The following RAB2A variants were observed in gnomAD, a reference collection of about 807,000 sequenced individuals.
The protein encoded by RAB2A is ras-related protein Rab-2A.
Under a neutral mutation model 32.5 loss-of-function variants are expected in RAB2A, and 7 were observed. That is an observed-to-expected ratio of 0.22 (90% confidence interval 0.12 to 0.40). RAB2A has a LOEUF of 0.40. RAB2A is among the 10% of genes least tolerant of loss of function. The probability of loss-of-function intolerance (pLI) is 1.00; values close to 1 mark genes in which losing one functional copy is unlikely to be tolerated. For missense variants in RAB2A, 108 were observed against 260.7 expected (o/e 0.41, Z 4.03); for synonymous variants, 79 against 85.2 (o/e 0.93, Z 0.40).
At chr8:60,581,961 T>A (rs76307785) in intron 3 of RAB2A, among the ~76,000 whole-genome samples, 1 of 151,012 alleles carries the variant, frequency 6.6e-6, no homozygotes, top group Admixed American at 6.6e-5. Flanking sequence ...TTTTTTTTTT[T>A]AAAGACACAG....
At chr8:60,548,519 C>G (rs1338179606) in intron 1 of RAB2A, among the ~76,000 whole-genome samples, 1 of 75,264 alleles carries the variant, frequency 1.3e-5, no homozygotes. Flanking sequence ...GGGGGGCTGA[C>G]CCCCCCACCT....
At chr8:60,525,264 A>T (rs1807361285) in intron 1 of RAB2A, among the ~76,000 whole-genome samples, 1 of 152,004 alleles carries the variant, frequency 6.6e-6, no homozygotes, top group South Asian at 2.1e-4. Flanking sequence ...TGCTCATGAG[A>T]TCTGATGGTT....
rs180926020 is a variant in RAB2A, at chr8:60,572,027, C to A, written c.119-19C>A. ...TATTCCCACTAATTTTGTAACAAAT[C>A]ATTTCCTACTCTATTTAGGTGTAGA... On this transcript the variant is annotated intron_variant, in intron 2 of 7. Coordinates refer to ENST00000262646, the MANE Select transcript of RAB2A (RefSeq NM_002865.3). The A allele has an allele frequency of 6.3e-7, 1 of 1,575,512 alleles. No individual in the cohort carries two copies. Among genetic ancestry groups the A allele is most frequent in the South Asian group, 1.1e-5 (1 of 88,836 alleles).
intron 5 of RAB2A, among the ~76,000 whole-genome samples, chr8:60,588,485 A>G (rs1409184694): frequency 6.6e-6 from 1 of 152,220 alleles, no homozygotes; most frequent in Non-Finnish European, 1.5e-5. Context: ...ATTACAACAG[A>G]CTACAACTCA....
chr8:60,549,128 C>G (rs202124331), intron 1 of RAB2A, among the ~76,000 whole-genome samples: 21,773 of 148,666 alleles, frequency 0.15, 1,603 homozygotes, highest in East Asian at 0.26. Flanking sequence ...GGATGGCGGC[C>G]GGGCAGAGAC....
rs200781027 is a variant in RAB2A at position 60,531,778 on chromosome 8, A to AGTAGTCATCT, written c.46+14526_46+14535dup. ...TCTTCAGGGAAGAGAAGGGAAGGCC[A>AGTAGTCATCT]GTAGTCATCTTCTACCTTGATTTTT... On this transcript the variant is annotated intron_variant, in intron 1 of 7. Coordinates refer to ENST00000262646, the MANE Select transcript of RAB2A (RefSeq NM_002865.3). 6.5e-3 allele frequency among the ~76,000 whole-genome samples: 971 copies of AGTAGTCATCT among 150,542 alleles called. 9 individuals carry two copies. The highest frequency in any genetic ancestry group is 0.021 in the African/African-American group (880 of 40,966).
At chr8:60,538,030 C>G (rs1807583754) in intron 1 of RAB2A, among the ~76,000 whole-genome samples, 2 of 152,118 alleles carry the variant, frequency 1.3e-5, no homozygotes, top group African/African-American at 4.8e-5. Flanking sequence ...TAGCCGTTTT[C>G]CACTATTAAG....
In RAB2A at chr8:60,622,040, A is replaced by AT. The variant is rs1274032250; in HGVS notation, c.*1276dup. Reference sequence around the variant, plus strand: ...ATTATGACCACCTCTTTTTTAATGTATTTTTAGTCCACTTACAGCTTTTAC... The same window carrying AT: ...ATTATGACCACCTCTTTTTTAATGTATTTTTTAGTCCACTTACAGCTTTTAC... On this transcript the variant is annotated 3_prime_UTR_variant, in exon 8 of 8. Coordinates refer to ENST00000262646, the MANE Select transcript of RAB2A (RefSeq NM_002865.3). 6.6e-6 allele frequency: 1 copy of AT among 151,858 alleles called. No individual in the cohort carries two copies. The highest frequency in any genetic ancestry group is 2.4e-5 in the African/African-American group (1 of 41,352). The allele number at this position is 151,858 out of a possible 1,614,324, so 9.4% of individuals were successfully genotyped here. A position where few individuals can be genotyped will look rare whatever the true frequency, so the allele number is the denominator to read the frequency against.
chr8:60,564,829 G>T (rs940691516), intron 2 of RAB2A, among the ~76,000 whole-genome samples: 5 of 152,098 alleles, frequency 3.3e-5, no homozygotes, highest in African/African-American at 1.2e-4. Context: ...TTTGTTTATT[G>T]CTGTATCTGC....
chr8:60,517,275 G>C (rs1481552597), intron 1 of RAB2A, 22 bp downstream of exon 1: 3 of 1,478,612 alleles, frequency 2.0e-6, no homozygotes, highest in African/African-American at 2.9e-5. Flanking sequence ...GGGCGCGGCC[G>C]GGCGGGTGTC....
At chr8:60,598,555 AGT>A (rs200036067) in intron 6 of RAB2A, among the ~76,000 whole-genome samples, 2 of 101,698 alleles carry the variant, frequency 2.0e-5, no homozygotes, top group African/African-American at 1.6e-4. Flanking sequence ...ACGTTTATAA[AGT>A]ATATATACAT....
At chr8:60,543,381 CACTTAACT>C (rs1563463871) in intron 1 of RAB2A, among the ~76,000 whole-genome samples, 11 of 101,134 alleles carry the variant, frequency 1.1e-4, no homozygotes, top group African/African-American at 5.0e-4. Context: ...TGTCTTCATT[CACTTAACT>C]GTACTCTCTA....
At chr8:60,574,688 A>T (rs1808244323) in intron 3 of RAB2A, among the ~76,000 whole-genome samples, 2 of 152,176 alleles carry the variant, frequency 1.3e-5, no homozygotes, top group Non-Finnish European at 2.9e-5. Flanking sequence ...GTCATACATC[A>T]TTTTGATAGA....
At chr8:60,590,208 G>T (rs780759451) in intron 5 of RAB2A, among the ~76,000 whole-genome samples, 2 of 151,854 alleles carry the variant, frequency 1.3e-5, no homozygotes, top group Non-Finnish European at 2.9e-5. Flanking sequence ...TGATCCACCC[G>T]CCTTGCCTCC....
At chr8:60,617,316 CT>C (rs1463376991) in intron 6 of RAB2A, among the ~76,000 whole-genome samples, 2 of 152,124 alleles carry the variant, frequency 1.3e-5, no homozygotes, top group African/African-American at 2.4e-5. Flanking sequence ...GTTGAGCCGT[CT>C]TTTCTCTCTT....
chr8:60,524,850 C>T (rs1457605935), intron 1 of RAB2A, among the ~76,000 whole-genome samples: 3 of 152,102 alleles, frequency 2.0e-5, no homozygotes. Context: ...TTTCTGCTGC[C>T]AAGTTTTCTG....
At chr8:60,596,783 T>C (rs550893634) in intron 6 of RAB2A, among the ~76,000 whole-genome samples, 260 of 152,122 alleles carry the variant, frequency 1.7e-3, no homozygotes, top group Admixed American at 4.1e-3. Flanking sequence ...TAGCCAGGCG[T>C]GGTGGCAGGC....
chr8:60,599,103 C>T (rs139721529), intron 6 of RAB2A, among the ~76,000 whole-genome samples: 52 of 152,036 alleles, frequency 3.4e-4, no homozygotes, highest in African/African-American at 1.3e-3. Context: ...ACAAGGTAGA[C>T]ATAAAAATCA....
At position 60,623,428 on chromosome 8, in the gene RAB2A, C is replaced by G. The variant is rs972363705; in HGVS notation, c.*2659C>G. On this transcript the variant is annotated 3_prime_UTR_variant, in exon 8 of 8. Coordinates refer to ENST00000262646, the MANE Select transcript of RAB2A (RefSeq NM_002865.3). ...TTATTCTGTCATAGATAGTAAAGCCCCATCTCAGTTTATTTAGTCCTGAGG... is the reference window on the plus strand; with the variant it reads ...TTATTCTGTCATAGATAGTAAAGCCGCATCTCAGTTTATTTAGTCCTGAGG... 1 of 152,100 alleles carries G rather than the reference C, an allele frequency of 6.6e-6. No homozygotes were observed. Among genetic ancestry groups the G allele is most frequent in the Non-Finnish European group, 1.5e-5 (1 of 68,010 alleles). The allele number at this position is 152,100 out of a possible 1,614,324, so 9.4% of individuals were successfully genotyped here. A position where few individuals can be genotyped will look rare whatever the true frequency, so the allele number is the denominator to read the frequency against.
Sources: gnomAD v4.1 joint callset for allele counts (sites outside exome capture counted in the v4.1 genomes callset) on GRCh38, gnomAD v4.1.1 for gene constraint, MANE v1.5 for transcripts, NCBI Gene and HGNC (gene_info 2026-07-23, HGNC 2026-07-21) for gene names.